The following VAX2 variants were observed in gnomAD, a reference collection of about 807,000 sequenced individuals.
The protein encoded by VAX2 is ventral anterior homeobox 2.
In VAX2, 8 loss-of-function variants were observed where a neutral mutation model predicts 12.5. The observed-to-expected ratio is 0.64, with a 90% CI of 0.37 to 1.15. The LOEUF is 1.15. Among genes scored for constraint, VAX2 ranks in the 50% most tolerant of loss-of-function variants. The pLI, the probability that VAX2 is intolerant of heterozygous loss-of-function variation, is 0.01. For missense variants in VAX2, 476 were observed against 412.9 expected (o/e 1.15, Z -1.32); for synonymous variants, 183 against 187.6 (o/e 0.98, Z 0.20).
intron 2 of VAX2, among the ~76,000 whole-genome samples, chr2:70,924,958 A>C (rs1679536661): frequency 6.6e-6 from 1 of 152,230 alleles, no homozygotes; most frequent in Non-Finnish European, 1.5e-5. Flanking sequence ...CTCTTTGAGA[A>C]GATGACGTTG....
At position 70,933,183 on chromosome 2, in the gene VAX2, C is replaced by A. The variant is rs1553414677; in HGVS notation, c.852C>A (p.Ser284Arg). The A allele has an allele frequency of 6.5e-7, 1 of 1,527,636 alleles. No individual in the cohort carries two copies. Among genetic ancestry groups the A allele is most frequent in the Non-Finnish European group, 8.8e-7 (1 of 1,139,438 alleles). 94.6% of individuals were successfully genotyped at this position (1,527,636 alleles called of 1,614,324 possible). A position where few individuals can be genotyped will look rare whatever the true frequency, so the allele number is the denominator to read the frequency against. ...AACGGAAAGTGGGCAGCGCCAGCAG[C>A]TGCAAGAAAGCTAACACTTAAGACT... ...WLERKVGSAS[S>R]CKKANT The change falls in exon 3 of 3, where the codon AGC (serine) becomes AGA (arginine). Residue 284 changes from serine (S) to arginine (R), a missense_variant. Ser to Arg is a moderately radical substitution (Grantham distance 110). Transcript: ENST00000234392.
At chr2:70,921,000 G>C in intron 1 of VAX2, 98 bp from the exon 2 acceptor site, 1 of 1,368,152 alleles carries the variant, frequency 7.3e-7, no homozygotes, top group Non-Finnish European at 9.6e-7. Context: ...GGCCTGAGGA[G>C]CTCTGCGATA....
intron 1 of VAX2, among the ~76,000 whole-genome samples, chr2:70,907,685 G>C (rs1167292866): frequency 1.3e-5 from 2 of 152,240 alleles, no homozygotes; most frequent in Non-Finnish European, 1.5e-5. Context: ...TTACAATGTA[G>C]ACAGGAAAAT....
intron 1 of VAX2, among the ~76,000 whole-genome samples, chr2:70,918,427 A>C (rs1679354291): frequency 6.6e-6 from 1 of 152,114 alleles, no homozygotes; most frequent in South Asian, 2.1e-4. Context: ...AGGGATTCTC[A>C]AGGTAGGTCC....
intron 1 of VAX2, among the ~76,000 whole-genome samples, chr2:70,908,609 T>A (rs1267057606): frequency 6.6e-6 from 1 of 152,232 alleles, no homozygotes; most frequent in Non-Finnish European, 1.5e-5. Context: ...TTATATGTAA[T>A]CCTGAAATAA....
At chr2:70,908,438 A>G (rs1439822656) in intron 1 of VAX2, among the ~76,000 whole-genome samples, 1 of 152,220 alleles carries the variant, frequency 6.6e-6, no homozygotes, top group Non-Finnish European at 1.5e-5. Flanking sequence ...GCAGTTATAT[A>G]ACTTTTTTCT....
intron 1 of VAX2, among the ~76,000 whole-genome samples, chr2:70,906,111 T>C (rs1679051656): frequency 6.6e-6 from 1 of 152,222 alleles, no homozygotes; most frequent in African/African-American, 2.4e-5. Flanking sequence ...ATCTGCAGAT[T>C]CTGTACCCCA....
rs200923058 is a variant in VAX2 at position 70,932,946 on chromosome 2, T to G, written c.615T>G (p.Pro205=). The G allele has an allele frequency of 1.2e-4, 198 of 1,612,306 alleles. 2 individuals carry two copies. The East Asian group carries it at 4.2e-3, about 34-fold the overall frequency. ...PRAPSLLALT[P]SLPGLPASHR... is the part of the protein sequence containing the mutation. ...CCCCTAGCCTCCTGGCGCTGACCCCTAGCCTGCCAGGCCTACCTGCCAGCC... is the reference window on the plus strand; with the variant it reads ...CCCCTAGCCTCCTGGCGCTGACCCCGAGCCTGCCAGGCCTACCTGCCAGCC... Residue 205 remains proline, a synonymous_variant, in exon 3 of 3, where the codon CCT becomes CCG. Transcript: ENST00000234392.
chr2:70,901,360 G>C (rs555241073), intron 1 of VAX2, among the ~76,000 whole-genome samples: 1 of 152,370 alleles, frequency 6.6e-6, no homozygotes, highest in Non-Finnish European at 1.5e-5. Flanking sequence ...CGGCAATCGG[G>C]ACCCGCACGG....
chr2:70,917,305 G>C (rs1679328485), intron 1 of VAX2, among the ~76,000 whole-genome samples: 1 of 142,648 alleles, frequency 7.0e-6, no homozygotes, highest in African/African-American at 2.6e-5. Flanking sequence ...CTGGGGGATA[G>C]AGCGAGACTC....
At position 70,900,758 on chromosome 2, in the gene VAX2, T is replaced by G. The variant is rs1572882813; in HGVS notation, c.137T>G (p.Val46Gly). The G allele has an allele frequency of 6.7e-7, 1 of 1,485,102 alleles. No homozygotes were observed. The highest frequency in any genetic ancestry group is 9.0e-7 in the Non-Finnish European group (1 of 1,117,104). The allele number at this position is 1,485,102 out of a possible 1,614,324, so 92.0% of individuals were successfully genotyped here. Residue 46 changes from valine (V) to glycine (G), a missense_variant, in exon 1 of 3, where the codon GTG becomes GGG. Val to Gly is a moderately radical substitution (Grantham distance 109, BLOSUM62 -3). Transcript: ENST00000234392. Reference sequence around the variant, plus strand: ...GGCGGTGGCCACAGCCCAACGGAGGTGGCCGGGACCTCAGCCTCCAGTCCC... The same window carrying G: ...GGCGGTGGCCACAGCCCAACGGAGGGGGCCGGGACCTCAGCCTCCAGTCCC... ...ADGGGHSPTEVAGTSASSPAG... is the reference protein window; with the variant it reads ...ADGGGHSPTEGAGTSASSPAG...
intron 1 of VAX2, among the ~76,000 whole-genome samples, chr2:70,902,654 C>T (rs797035112): frequency 3.3e-5 from 5 of 152,186 alleles, no homozygotes; most frequent in African/African-American, 1.2e-4. Context: ...ACTCTACTAA[C>T]CCTGTATGTA....
At chr2:70,921,855 A>T (rs2104777682) in intron 2 of VAX2, among the ~76,000 whole-genome samples, 1 of 152,212 alleles carries the variant, frequency 6.6e-6, no homozygotes, top group East Asian at 1.9e-4. Flanking sequence ...AAAAGAAAAA[A>T]ACTTTTGTAA....
chr2:70,915,745 G>A (rs1355058357), intron 1 of VAX2, among the ~76,000 whole-genome samples: 1 of 151,826 alleles, frequency 6.6e-6, no homozygotes, highest in Admixed American at 6.6e-5. Context: ...TCTGCTTAAC[G>A]TGACTTATTG....
chr2:70,906,412 T>TA (rs1679059808), intron 1 of VAX2, among the ~76,000 whole-genome samples: 1 of 151,820 alleles, frequency 6.6e-6, no homozygotes, highest in Non-Finnish European at 1.5e-5. Context: ...GAGTGTGCTA[T>TA]AAGGCCCTGG....
chr2:70,907,957 T>A (rs1306553344), intron 1 of VAX2, among the ~76,000 whole-genome samples: 1 of 152,262 alleles, frequency 6.6e-6, no homozygotes, highest in Non-Finnish European at 1.5e-5. Context: ...ACTGTAGAAT[T>A]AAGTATTCCT....
intron 2 of VAX2, among the ~76,000 whole-genome samples, chr2:70,924,719 T>C (rs947824463): frequency 6.6e-6 from 1 of 152,180 alleles, no homozygotes; most frequent in East Asian, 1.9e-4. Context: ...TCACCCATAA[T>C]TTTGTTCAAA....
At chr2:70,920,644 GACACACACACAC>G (rs3841907) in intron 1 of VAX2, among the ~76,000 whole-genome samples, 2 of 150,158 alleles carry the variant, frequency 1.3e-5, no homozygotes, top group African/African-American at 2.4e-5. Flanking sequence ...TGCATGCACA[GACACACACACAC>G]ACACACACAC....
At chr2:70,920,498 AT>A (rs1553412663) in intron 1 of VAX2, among the ~76,000 whole-genome samples, 1 of 152,132 alleles carries the variant, frequency 6.6e-6, no homozygotes, top group African/African-American at 2.4e-5. Context: ...GCAGCCTGAT[AT>A]GGTAGCAGTT....
Sources: gnomAD v4.1 joint callset for allele counts (sites outside exome capture counted in the v4.1 genomes callset) on GRCh38, gnomAD v4.1.1 for gene constraint, MANE v1.5 for transcripts, NCBI Gene and HGNC (gene_info 2026-07-23, HGNC 2026-07-21) for gene names.